The following SGPP2 variants were observed in gnomAD, a reference collection of about 807,000 sequenced individuals.
SGPP2 encodes the protein sphingosine 1-phosphate phosphohydrolase 2.
SGPP2 carries 30 observed loss-of-function variants against 33.9 expected under a neutral mutation model. The observed-to-expected ratio is 0.89, with a 90% CI of 0.66 to 1.20. The LOEUF is 1.20. SGPP2 is among the 50% of genes most tolerant of loss of function. The probability of loss-of-function intolerance (pLI) is 0.00; values close to 1 mark genes in which losing one functional copy is unlikely to be tolerated. For synonymous variants in SGPP2, 233 were observed against 225.0 expected, an observed-to-expected ratio of 1.04 and a Z score of -0.32; for missense variants, 458 against 532.1, an observed-to-expected ratio of 0.86 and a Z score of 1.37.
chr2:222,471,015 G>A (rs1260609249), intron 1 of SGPP2, among the ~76,000 whole-genome samples: 2 of 152,188 alleles, frequency 1.3e-5, no homozygotes, highest in Non-Finnish European at 2.9e-5. Flanking sequence ...GCAGAGAGGT[G>A]AAACTCTACA....
At chr2:222,499,205 A>C (rs1698328888) in intron 2 of SGPP2, among the ~76,000 whole-genome samples, 1 of 152,216 alleles carries the variant, frequency 6.6e-6, no homozygotes, top group African/African-American at 2.4e-5. Flanking sequence ...GTTTGCCCCG[A>C]AGGCAGATTC....
chr2:222,544,713 T>G (rs1689147725), intron 4 of SGPP2, among the ~76,000 whole-genome samples: 1 of 152,206 alleles, frequency 6.6e-6, no homozygotes, highest in African/African-American at 2.4e-5. Flanking sequence ...TGAATCCAGA[T>G]GCAGAACCCA....
At chr2:222,493,781 C>A (rs1698234641) in intron 2 of SGPP2, among the ~76,000 whole-genome samples, 1 of 152,166 alleles carries the variant, frequency 6.6e-6, no homozygotes, top group African/African-American at 2.4e-5. Flanking sequence ...TACTGTTAGG[C>A]CTAAAATTAA....
At chr2:222,551,533 T>C (rs190047094) in intron 4 of SGPP2, among the ~76,000 whole-genome samples, 1 of 152,220 alleles carries the variant, frequency 6.6e-6, no homozygotes, top group Non-Finnish European at 1.5e-5. Flanking sequence ...AATAATTTTA[T>C]TATAAGAAAT....
chr2:222,540,059 T>G (rs533916631), intron 4 of SGPP2, among the ~76,000 whole-genome samples: 174 of 152,334 alleles, frequency 1.1e-3, no homozygotes, highest in Admixed American at 2.8e-3. Flanking sequence ...AAAATGACAT[T>G]TAAGAGATTT....
chr2:222,534,996 TC>T (rs1698891856), intron 4 of SGPP2, among the ~76,000 whole-genome samples: 2 of 152,328 alleles, frequency 1.3e-5, no homozygotes, highest in East Asian at 3.9e-4. Flanking sequence ...GCAAGAACTT[TC>T]ATATGTATTA....
At chr2:222,502,481 A>G (rs1483934032) in intron 2 of SGPP2, among the ~76,000 whole-genome samples, 1 of 152,222 alleles carries the variant, frequency 6.6e-6, no homozygotes, top group Non-Finnish European at 1.5e-5. Flanking sequence ...ATTTGCATTT[A>G]GCATTCCTAA....
At chr2:222,522,071 A>C (rs1012549886) in intron 3 of SGPP2, 125 bp downstream of exon 3, 65 of 822,888 alleles carry the variant, frequency 7.9e-5, no homozygotes, top group Non-Finnish European at 1.1e-4. Context: ...ATTAAGAGAA[A>C]CTGAAACCTA....
At chr2:222,475,549 A>G (rs767401538) in intron 2 of SGPP2, among the ~76,000 whole-genome samples, 22 of 152,206 alleles carry the variant, frequency 1.4e-4, no homozygotes, top group Non-Finnish European at 2.1e-4. Flanking sequence ...GATTATACAC[A>G]TGGGAGAGGC....
At chr2:222,457,162 A>G (rs888018393) in intron 1 of SGPP2, among the ~76,000 whole-genome samples, 2 of 151,950 alleles carry the variant, frequency 1.3e-5, no homozygotes, top group Admixed American at 6.6e-5. Flanking sequence ...TAAAATATTC[A>G]GTGGTTTTTT....
At chr2:222,531,589 A>G (rs1195519247) in intron 4 of SGPP2, among the ~76,000 whole-genome samples, 3 of 152,218 alleles carry the variant, frequency 2.0e-5, no homozygotes, top group Non-Finnish European at 2.9e-5. Flanking sequence ...GATGAAAGAC[A>G]TTTTGGAATT....
intron 2 of SGPP2, among the ~76,000 whole-genome samples, chr2:222,516,873 G>A (rs1488660378): frequency 6.6e-6 from 1 of 152,200 alleles, no homozygotes; most frequent in East Asian, 1.9e-4. Context: ...ACTATACTAA[G>A]TGTTTTGCAT....
At chr2:222,495,031 CAAACAAAAACAA>C (rs145461047) in intron 2 of SGPP2, among the ~76,000 whole-genome samples, 9 of 151,630 alleles carry the variant, frequency 5.9e-5, no homozygotes, top group African/African-American at 1.2e-4. Flanking sequence ...GACTCTGTCT[CAAACAAAAACAA>C]AAACAAAAAC....
At chr2:222,534,899 A>T (rs1165220638) in intron 4 of SGPP2, among the ~76,000 whole-genome samples, 1 of 152,198 alleles carries the variant, frequency 6.6e-6, no homozygotes, top group Non-Finnish European at 1.5e-5. Flanking sequence ...TAATTTTTTT[A>T]AAAGACAAAA....
At chr2:222,435,154 G>A (rs1474476837) in intron 1 of SGPP2, among the ~76,000 whole-genome samples, 1 of 151,552 alleles carries the variant, frequency 6.6e-6, no homozygotes, top group African/African-American at 2.4e-5. Context: ...CCTTCTGCAG[G>A]CTGAGGAACA....
intron 3 of SGPP2, among the ~76,000 whole-genome samples, chr2:222,524,714 A>G (rs1394150328): frequency 6.6e-6 from 1 of 152,140 alleles, no homozygotes. Context: ...GTGCATGCTT[A>G]TATGTTGTGA....
intron 4 of SGPP2, among the ~76,000 whole-genome samples, chr2:222,546,054 T>A (rs1689189602): frequency 6.6e-6 from 1 of 152,236 alleles, no homozygotes; most frequent in South Asian, 2.1e-4. Flanking sequence ...ACTGCTAAGG[T>A]CTGTGTTTAC....
chr2:222,482,387 T>C (rs1366171707), intron 2 of SGPP2, among the ~76,000 whole-genome samples: 1 of 152,180 alleles, frequency 6.6e-6, no homozygotes, highest in Non-Finnish European at 1.5e-5. Flanking sequence ...TCAACTGTCT[T>C]TTATTTGATT....
chr2:222,533,574 C>T (rs1474525739), intron 4 of SGPP2, among the ~76,000 whole-genome samples: 1 of 152,212 alleles, frequency 6.6e-6, no homozygotes, highest in Admixed American at 6.5e-5. Flanking sequence ...CAGACATCAA[C>T]TCAAACTAGT....
Sources: allele counts gnomAD v4.1 joint callset (sites outside exome capture counted in the v4.1 genomes callset), GRCh38; gene constraint gnomAD v4.1.1; transcripts MANE v1.5; gene names NCBI Gene and HGNC (gene_info 2026-07-23, HGNC 2026-07-21).